EFCAB5: variants seen among roughly 807,000 people sequenced by gnomAD.
The protein encoded by EFCAB5 is EF-hand calcium-binding domain-containing protein 5.
A neutral mutation model predicts 167.9 loss-of-function variants in EFCAB5; 131 were observed. The ratio of observed to expected loss-of-function variants is 0.78; its 90% CI spans 0.68 to 0.90. EFCAB5 has a LOEUF of 0.90. Ranked by LOEUF, EFCAB5 falls within the 40% of genes least tolerant of loss-of-function variation. The probability of loss-of-function intolerance (pLI) is 0.00; values close to 1 mark genes in which losing one functional copy is unlikely to be tolerated. For missense variants in EFCAB5, 1,663 were observed against 1,745.2 expected, an observed-to-expected ratio of 0.95 and a Z score of 0.84; for synonymous variants, 574 against 602.8, an observed-to-expected ratio of 0.95 and a Z score of 0.70.
chr17:29,947,300 G>A (rs1234964489), intron 3 of EFCAB5, among the ~76,000 whole-genome samples: 1 of 152,102 alleles, frequency 6.6e-6, no homozygotes, highest in Non-Finnish European at 1.5e-5. Context: ...TATTCTAAGT[G>A]AAGTAACTCA....
intron 7 of EFCAB5, among the ~76,000 whole-genome samples, chr17:30,019,293 T>C (rs2069117856): frequency 6.6e-6 from 1 of 152,166 alleles, no homozygotes; most frequent in Non-Finnish European, 1.5e-5. Flanking sequence ...CTTAATTTAA[T>C]TGAGTGTTTT....
chr17:29,934,064 G>A (rs191915676), intron 1 of EFCAB5, among the ~76,000 whole-genome samples: 6 of 152,254 alleles, frequency 3.9e-5, no homozygotes, highest in Admixed American at 3.9e-4. Context: ...TCCAAACAAA[G>A]ATGTCTAAAA....
At chr17:30,002,635 T>C (rs924809409) in intron 7 of EFCAB5, among the ~76,000 whole-genome samples, 1 of 152,230 alleles carries the variant, frequency 6.6e-6, no homozygotes, top group Non-Finnish European at 1.5e-5. Flanking sequence ...GTCTGTTGTA[T>C]TTACCTGTGT....
At chr17:29,942,182 A>T in intron 1 of EFCAB5, 58 bp from the exon 2 acceptor site, 5 of 1,398,930 alleles carry the variant, frequency 3.6e-6, no homozygotes, top group Non-Finnish European at 3.9e-6. Flanking sequence ...AGTATGAGAC[A>T]GTAGTTTAAT....
chr17:29,932,743 C>G (rs2067212757), intron 1 of EFCAB5, among the ~76,000 whole-genome samples: 1 of 152,154 alleles, frequency 6.6e-6, no homozygotes, highest in African/African-American at 2.4e-5. Flanking sequence ...CAGGTGTGAG[C>G]CCCCGCACCC....
intron 4 of EFCAB5, among the ~76,000 whole-genome samples, chr17:29,983,600 A>T (rs1389305995): frequency 6.6e-6 from 1 of 152,182 alleles, no homozygotes; most frequent in Admixed American, 6.5e-5. Flanking sequence ...TTACACTTAG[A>T]ATGAATCTGC....
chr17:30,103,011 G>A (rs1013403644), intron 22 of EFCAB5, among the ~76,000 whole-genome samples: 2 of 151,374 alleles, frequency 1.3e-5, no homozygotes, highest in South Asian at 2.1e-4. Flanking sequence ...GCTAATTTTT[G>A]TATTTTTTGT....
At chr17:30,057,635 A>G (rs776307649) in intron 12 of EFCAB5, 41 bp from the exon 13 acceptor site, 1 of 1,558,226 alleles carries the variant, frequency 6.4e-7, no homozygotes, top group Non-Finnish European at 8.8e-7. Flanking sequence ...AACTGAAAAA[A>G]TTGTTCACTT....
At chr17:29,985,531 T>C (rs1268796343) in intron 4 of EFCAB5, among the ~76,000 whole-genome samples, 1 of 152,174 alleles carries the variant, frequency 6.6e-6, no homozygotes, top group Non-Finnish European at 1.5e-5. Context: ...GAACAGAGTT[T>C]TACCCACATA....
At chr17:29,990,928 T>C (rs2068401175) in intron 4 of EFCAB5, among the ~76,000 whole-genome samples, 1 of 152,152 alleles carries the variant, frequency 6.6e-6, no homozygotes, top group African/African-American at 2.4e-5. Context: ...TTCTTCAAAA[T>C]AATGAGGGGG....
At chr17:29,973,711 C>T (rs1364672750) in intron 4 of EFCAB5, among the ~76,000 whole-genome samples, 2 of 151,602 alleles carry the variant, frequency 1.3e-5, no homozygotes, top group East Asian at 3.9e-4. Flanking sequence ...CCCCTGACCT[C>T]GTGATCCACC....
intron 14 of EFCAB5, 43 bp from the exon 15 acceptor site, chr17:30,078,172 T>C (rs746970560): frequency 6.4e-7 from 1 of 1,554,158 alleles, no homozygotes; most frequent in Non-Finnish European, 8.7e-7. Context: ...CACCAATGAG[T>C]GAACTTTTGG....
At chr17:30,019,344 T>C (rs2069119304) in intron 7 of EFCAB5, among the ~76,000 whole-genome samples, 1 of 152,150 alleles carries the variant, frequency 6.6e-6, no homozygotes, top group South Asian at 2.1e-4. Context: ...AAAGGCTTAT[T>C]TTATTTATTG....
upstream of EFCAB5, among the ~76,000 whole-genome samples, chr17:29,940,080 CTTT>C (rs35491131): frequency 2.8e-5 from 4 of 143,918 alleles, no homozygotes; most frequent in Admixed American, 1.4e-4. Context: ...ACTGGGAACT[CTTT>C]TTTTTTTTTT....
At chr17:30,102,456 G>A (rs1265066787) in intron 22 of EFCAB5, among the ~76,000 whole-genome samples, 2 of 151,488 alleles carry the variant, frequency 1.3e-5, no homozygotes, top group African/African-American at 2.4e-5. Flanking sequence ...CTGTAACCTC[G>A]AACTCCTGGG....
At chr17:29,958,147 A>G (rs1192454831) in intron 3 of EFCAB5, among the ~76,000 whole-genome samples, 1 of 152,136 alleles carries the variant, frequency 6.6e-6, no homozygotes, top group Non-Finnish European at 1.5e-5. Context: ...CTGTAATTTT[A>G]TTTTATTAAG....
At chr17:29,955,639 T>C (rs2067600020) in intron 3 of EFCAB5, among the ~76,000 whole-genome samples, 1 of 152,042 alleles carries the variant, frequency 6.6e-6, no homozygotes, top group South Asian at 2.1e-4. Flanking sequence ...CAAGGAGAAC[T>C]ACAAAACACT....
intron 15 of EFCAB5, among the ~76,000 whole-genome samples, chr17:30,079,339 T>A (rs919210986): frequency 2.0e-5 from 3 of 152,002 alleles, no homozygotes; most frequent in Non-Finnish European, 4.4e-5. Context: ...AGATCTTGTA[T>A]GTGGAAAGAA....
intron 5 of EFCAB5, among the ~76,000 whole-genome samples, chr17:29,995,056 G>C (rs1194854691): frequency 2.6e-5 from 4 of 152,144 alleles, no homozygotes; most frequent in Admixed American, 2.6e-4. Context: ...TCACAAAATT[G>C]TTCTTGTTTT....
Sources: allele counts gnomAD v4.1 joint callset (sites outside exome capture counted in the v4.1 genomes callset), GRCh38; gene constraint gnomAD v4.1.1; transcripts MANE v1.5; gene names NCBI Gene and HGNC (gene_info 2026-07-23, HGNC 2026-07-21).